Variants in PRKG1 observed in about 807,000 individuals in gnomAD.
PRKG1 encodes the protein protein kinase cGMP-dependent 1, also known as cGMP-dependent protein kinase 1.
Under a neutral mutation model 88.1 loss-of-function variants are expected in PRKG1, and 35 were observed. The ratio of observed to expected loss-of-function variants is 0.40; its 90% CI spans 0.30 to 0.53. The LOEUF is 0.53. PRKG1 is among the 20% of genes least tolerant of loss of function. The pLI is 0.59. For missense variants in PRKG1, 540 were observed against 839.8 expected (o/e 0.64, Z 4.41); for synonymous variants, 303 against 292.5 (o/e 1.04, Z -0.37).
rs192529435 is a variant in PRKG1 at position 52,108,888 on chromosome 10, G to A, written c.936-24952G>A. ...GTCGCCCAAGTTGGAGTGCAGTGGCGCAATCTCAGCTCACTGCAACCTACT... is the reference window on the plus strand; with the variant it reads ...GTCGCCCAAGTTGGAGTGCAGTGGCACAATCTCAGCTCACTGCAACCTACT... On this transcript the variant is annotated intron_variant, in intron 7 of 17. Coordinates refer to ENST00000373980, the MANE Select transcript of PRKG1 (RefSeq NM_006258.4). Among the ~76,000 whole-genome samples, 279 of 37,112 alleles carry A rather than the reference G, an allele frequency of 7.5e-3. 1 individual carries two copies. The highest frequency in any genetic ancestry group is 0.033 in the African/African-American group (267 of 8,062). The allele number at this position is 37,112 out of a possible 152,430, so 24.3% of individuals were successfully genotyped here.
chr10:51,947,551 T>C (rs1416693605), intron 5 of PRKG1, among the ~76,000 whole-genome samples: 1 of 152,204 alleles, frequency 6.6e-6, no homozygotes, highest in Non-Finnish European at 1.5e-5. Context: ...ACCCGTCTTC[T>C]GCGTTGCTCA....
intron 3 of PRKG1, among the ~76,000 whole-genome samples, chr10:51,785,984 C>T (rs1363016391): frequency 6.6e-6 from 1 of 152,084 alleles, no homozygotes; most frequent in Non-Finnish European, 1.5e-5. Flanking sequence ...ACTGTCTCCA[C>T]CTTTCAGAGT....
intron 3 of PRKG1, among the ~76,000 whole-genome samples, chr10:51,480,063 T>A (rs931872175): frequency 1.3e-5 from 2 of 152,144 alleles, no homozygotes; most frequent in African/African-American, 4.8e-5. Flanking sequence ...CATTAATGTC[T>A]CTGAGCATTA....
chr10:51,737,400 C>A (rs1217317924), intron 3 of PRKG1, among the ~76,000 whole-genome samples: 1 of 152,220 alleles, frequency 6.6e-6, no homozygotes, highest in Non-Finnish European at 1.5e-5. Context: ...CTACTCAAAA[C>A]AGATTGGAGA....
At chr10:51,900,431 C>G (rs561577786) in intron 4 of PRKG1, among the ~76,000 whole-genome samples, 1 of 152,150 alleles carries the variant, frequency 6.6e-6, no homozygotes, top group Non-Finnish European at 1.5e-5. Flanking sequence ...ATTGATCCAC[C>G]TTATAATTTG....
chr10:51,177,361 T>C (rs1837222359), intron 2 of PRKG1, among the ~76,000 whole-genome samples: 1 of 152,246 alleles, frequency 6.6e-6, no homozygotes, highest in African/African-American at 2.4e-5. Context: ...AGTAACTCTT[T>C]GGAAGACACT....
In PRKG1 at chr10:52,294,153, A is replaced by AG. The variant is rs5784918; in HGVS notation, c.*253_*254insG. The AG allele has an allele frequency of 0.44, 169,515 of 385,548 alleles. 39,394 individuals carry two copies. The highest frequency in any genetic ancestry group is 0.64 in the African/African-American group (31,221 of 48,572). 23.9% of individuals were successfully genotyped at this position (385,548 alleles called of 1,614,324 possible). A position where few individuals can be genotyped will look rare whatever the true frequency, so the allele number is the denominator to read the frequency against. ...CTGAAGCAAAGCCTTTCACCAGTAA[A>AG]AGATGTTTTCTATTGTTGCAATGAC... On this transcript the variant is annotated 3_prime_UTR_variant, in exon 18 of 18. Transcript: ENST00000373980.
intron 1 of PRKG1, among the ~76,000 whole-genome samples, chr10:51,020,266 T>G (rs1182793224): frequency 6.6e-6 from 1 of 152,194 alleles, no homozygotes; most frequent in African/African-American, 2.4e-5. Context: ...TGGATTGAGA[T>G]TACAGGCATG....
intron 1 of PRKG1, among the ~76,000 whole-genome samples, chr10:51,109,615 C>T (rs9415719): frequency 0.8 from 121,636 of 152,058 alleles, 49,128 homozygotes; most frequent in South Asian, 0.87. Context: ...CCTAAAACTA[C>T]TAATAAAGTA....
chr10:51,342,502 C>T (rs1184832475), intron 2 of PRKG1, among the ~76,000 whole-genome samples: 1 of 152,074 alleles, frequency 6.6e-6, no homozygotes, highest in East Asian at 1.9e-4. Flanking sequence ...GAGTCAAGAT[C>T]AGGAACTTGT....
chr10:51,473,307 T>A (rs1034398601), intron 3 of PRKG1, among the ~76,000 whole-genome samples: 1 of 151,708 alleles, frequency 6.6e-6, no homozygotes. Flanking sequence ...TTTAATCTCA[T>A]TTTTTTTGTT....
intron 3 of PRKG1, among the ~76,000 whole-genome samples, chr10:51,779,699 A>G (rs1208574721): frequency 6.6e-6 from 1 of 152,098 alleles, no homozygotes; most frequent in African/African-American, 2.4e-5. Context: ...GCACCTGGCT[A>G]ATGACTTCTC....
chr10:51,991,360 T>C (rs1388633438), intron 5 of PRKG1, among the ~76,000 whole-genome samples: 1 of 152,138 alleles, frequency 6.6e-6, no homozygotes, highest in African/African-American at 2.4e-5. Flanking sequence ...ATGGTGAAAG[T>C]AGTCATCCTT....
intron 3 of PRKG1, among the ~76,000 whole-genome samples, chr10:51,564,724 T>C (rs752552753): frequency 2.0e-5 from 3 of 152,106 alleles, no homozygotes; most frequent in Non-Finnish European, 4.4e-5. Context: ...TATTCAAATA[T>C]GGTTCACAAA....
At chr10:52,071,862 G>T (rs1157680813) in intron 7 of PRKG1, among the ~76,000 whole-genome samples, 1 of 152,150 alleles carries the variant, frequency 6.6e-6, no homozygotes, top group Admixed American at 6.5e-5. Context: ...AGATAACATT[G>T]AAAGAATTCA....
intron 3 of PRKG1, among the ~76,000 whole-genome samples, chr10:51,714,265 A>C (rs1260984271): frequency 1.3e-5 from 2 of 152,230 alleles, no homozygotes; most frequent in Non-Finnish European, 2.9e-5. Context: ...GGCGTGAGCC[A>C]CTGCTCCCGG....
At chr10:52,238,852 C>T (rs371969278) in intron 9 of PRKG1, among the ~76,000 whole-genome samples, 13,805 of 148,634 alleles carry the variant, frequency 0.093, 827 homozygotes, top group African/African-American at 0.19. Flanking sequence ...AATCATGCTG[C>T]TATAAAGACA....
chr10:51,238,863 T>A (rs186969464), intron 2 of PRKG1, among the ~76,000 whole-genome samples: 1 of 152,156 alleles, frequency 6.6e-6, no homozygotes, highest in East Asian at 1.9e-4. Context: ...GTCCTAAAGT[T>A]TAAATATTTA....
At chr10:51,688,417 TA>T (rs1447744542) in intron 3 of PRKG1, among the ~76,000 whole-genome samples, 4 of 152,140 alleles carry the variant, frequency 2.6e-5, no homozygotes, top group Non-Finnish European at 5.9e-5. Context: ...CTCTCCTGCG[TA>T]ATCCCGTGGA....
Sources: gnomAD v4.1 joint callset for allele counts (sites outside exome capture counted in the v4.1 genomes callset) on GRCh38, gnomAD v4.1.1 for gene constraint, MANE v1.5 for transcripts, NCBI Gene and HGNC (gene_info 2026-07-23, HGNC 2026-07-21) for gene names.